The following KCTD8 variants were observed in gnomAD, a reference collection of about 807,000 sequenced individuals.
The protein encoded by KCTD8 is BTB/POZ domain-containing protein KCTD8.
A neutral mutation model predicts 31.5 loss-of-function variants in KCTD8; 27 were observed. The ratio of observed to expected loss-of-function variants is 0.86; its 90% CI spans 0.63 to 1.18. The LOEUF (loss-of-function observed/expected upper bound fraction) is 1.18. KCTD8 is among the 50% of genes most tolerant of loss of function. The pLI is 0.00. For synonymous variants in KCTD8, 290 were observed against 280.0 expected (o/e 1.04, Z -0.36); for missense variants, 658 against 647.7 (o/e 1.02, Z -0.17).
chr4:44,415,710 T>A (rs1721063911), intron 1 of KCTD8, among the ~76,000 whole-genome samples: 1 of 152,174 alleles, frequency 6.6e-6, no homozygotes, highest in South Asian at 2.1e-4. Flanking sequence ...TACTCGGTGT[T>A]AAGCCTGCAG....
intron 1 of KCTD8, among the ~76,000 whole-genome samples, chr4:44,382,635 C>T (rs1720099516): frequency 6.6e-6 from 1 of 151,256 alleles, no homozygotes; most frequent in South Asian, 2.1e-4. Context: ...AAGGCTGAGG[C>T]AGAAGAATCG....
chr4:44,407,236 C>A (rs62306879), intron 1 of KCTD8, among the ~76,000 whole-genome samples: 2,846 of 152,192 alleles, frequency 0.019, 43 homozygotes, highest in Non-Finnish European at 0.031. Context: ...AAGACACTGC[C>A]TTCAAAAATC....
At chr4:44,284,931 C>T (rs549235678) in intron 1 of KCTD8, among the ~76,000 whole-genome samples, 8 of 152,312 alleles carry the variant, frequency 5.3e-5, no homozygotes, top group African/African-American at 1.7e-4. Context: ...GATACCATCT[C>T]ATGCCAGTTA....
intron 1 of KCTD8, among the ~76,000 whole-genome samples, chr4:44,325,795 G>T (rs1021380278): frequency 6.6e-6 from 1 of 152,008 alleles, no homozygotes; most frequent in Middle Eastern, 3.4e-3. Context: ...CCTGTAGAAG[G>T]AGGGGTATCC....
intron 1 of KCTD8, among the ~76,000 whole-genome samples, chr4:44,420,671 A>C (rs1721188218): frequency 6.6e-6 from 1 of 152,150 alleles, no homozygotes; most frequent in South Asian, 2.1e-4. Context: ...GGGGAATTTT[A>C]CACCTTCTCC....
chr4:44,427,090 T>C (rs1577667682), intron 1 of KCTD8, among the ~76,000 whole-genome samples: 1 of 151,510 alleles, frequency 6.6e-6, no homozygotes, highest in African/African-American at 2.4e-5. Flanking sequence ...TGAATATACA[T>C]TTTAAAACTT....
intron 1 of KCTD8, among the ~76,000 whole-genome samples, chr4:44,304,565 C>G (rs896074341): frequency 6.6e-6 from 1 of 151,952 alleles, no homozygotes; most frequent in Non-Finnish European, 1.5e-5. Flanking sequence ...TAATATAATG[C>G]CATTGATACG....
At chr4:44,393,737 C>T (rs772065798) in intron 1 of KCTD8, among the ~76,000 whole-genome samples, 39 of 151,764 alleles carry the variant, frequency 2.6e-4, no homozygotes, top group Non-Finnish European at 5.0e-4. Context: ...GTGAGGACTA[C>T]GCTGCCATGA....
chr4:44,240,744 C>G (rs13131783), intron 1 of KCTD8, among the ~76,000 whole-genome samples: 42,162 of 152,036 alleles, frequency 0.28, 5,920 homozygotes, highest in South Asian at 0.32. Flanking sequence ...ATCCTTAAAA[C>G]AGCTTTAAAA....
intron 1 of KCTD8, among the ~76,000 whole-genome samples, chr4:44,268,656 G>T (rs1194573683): frequency 2.0e-5 from 3 of 152,152 alleles, no homozygotes; most frequent in Non-Finnish European, 2.9e-5. Flanking sequence ...CATTGTCTCA[G>T]CCCAAAAACT....
chr4:44,182,521 G>C (rs1328134616), intron 1 of KCTD8, among the ~76,000 whole-genome samples: 2 of 152,162 alleles, frequency 1.3e-5, no homozygotes, highest in African/African-American at 4.8e-5. Context: ...CATGTGCTGT[G>C]TCCACTCAGG....
chr4:44,445,002 C>G (rs1451659229), intron 1 of KCTD8, among the ~76,000 whole-genome samples: 1 of 152,120 alleles, frequency 6.6e-6, no homozygotes, highest in African/African-American at 2.4e-5. Flanking sequence ...TTTTCTGCAT[C>G]TAAAACATAA....
intron 1 of KCTD8, among the ~76,000 whole-genome samples, chr4:44,315,713 G>A (rs1718088538): frequency 6.6e-6 from 1 of 151,962 alleles, no homozygotes; most frequent in South Asian, 2.1e-4. Flanking sequence ...ACATTTGATT[G>A]ATAACACATC....
At chr4:44,294,067 T>C (rs1010428164) in intron 1 of KCTD8, among the ~76,000 whole-genome samples, 4 of 152,194 alleles carry the variant, frequency 2.6e-5, no homozygotes, top group African/African-American at 7.2e-5. Context: ...TGCCAAAGGT[T>C]TAACGAAATT....
intron 1 of KCTD8, among the ~76,000 whole-genome samples, chr4:44,226,283 T>G (rs192959434): frequency 1.5e-3 from 223 of 152,244 alleles, no homozygotes; most frequent in African/African-American, 4.8e-3. Context: ...TAAGTGAGAA[T>G]ATGCAGTGTT....
chr4:44,240,972 A>AG (rs1715441772), intron 1 of KCTD8, among the ~76,000 whole-genome samples: 1 of 152,236 alleles, frequency 6.6e-6, no homozygotes, highest in African/African-American at 2.4e-5. Flanking sequence ...CCATGATCTC[A>AG]GGCAGAATCA....
intron 1 of KCTD8, among the ~76,000 whole-genome samples, chr4:44,437,712 A>C (rs558244450): frequency 6.6e-6 from 1 of 152,296 alleles, no homozygotes; most frequent in African/African-American, 2.4e-5. Context: ...TTGGCACACA[A>C]TACTTATGGC....
At chr4:44,276,321 T>C (rs550934004) in intron 1 of KCTD8, among the ~76,000 whole-genome samples, 8 of 152,174 alleles carry the variant, frequency 5.3e-5, no homozygotes, top group Middle Eastern at 3.4e-3. Context: ...TTCAAATTAA[T>C]ACATTTATGT....
At chr4:44,415,146 T>A (rs1231359246) in intron 1 of KCTD8, among the ~76,000 whole-genome samples, 1 of 152,174 alleles carries the variant, frequency 6.6e-6, no homozygotes, top group African/African-American at 2.4e-5. Context: ...GTTCATGTTC[T>A]AGGGATCAGT....
Sources: allele counts gnomAD v4.1 joint callset (sites outside exome capture counted in the v4.1 genomes callset), GRCh38; gene constraint gnomAD v4.1.1; transcripts MANE v1.5; gene names NCBI Gene and HGNC (gene_info 2026-07-23, HGNC 2026-07-21).